Variants in SLC2A9 observed in about 807,000 individuals in gnomAD.
The protein encoded by SLC2A9 is solute carrier family 2 member 9, also known as solute carrier family 2, facilitated glucose transporter member 9.
A neutral mutation model predicts 50.6 loss-of-function variants in SLC2A9; 39 were observed. The ratio of observed to expected loss-of-function variants is 0.77; its 90% CI spans 0.60 to 1.01. The LOEUF (loss-of-function observed/expected upper bound fraction) is 1.01. Ranked by LOEUF, SLC2A9 falls within the 50% of genes least tolerant of loss-of-function variation. SLC2A9 has a pLI of 0.00. For missense variants in SLC2A9, 686 were observed against 677.6 expected (o/e 1.01, Z -0.14); for synonymous variants, 324 against 276.9 (o/e 1.17, Z -1.69).
At chr4:9,996,238 G>A (rs1427994847) in intron 3 of SLC2A9, among the ~76,000 whole-genome samples, 1 of 152,234 alleles carries the variant, frequency 6.6e-6, no homozygotes, top group Non-Finnish European at 1.5e-5. Flanking sequence ...TGATGAGACA[G>A]CCATATAGTG....
At chr4:10,003,737 A>T (rs1282532065) in intron 2 of SLC2A9, among the ~76,000 whole-genome samples, 1 of 152,246 alleles carries the variant, frequency 6.6e-6, no homozygotes, top group East Asian at 1.9e-4. Flanking sequence ...ACCTATGGCA[A>T]AACATGACTG....
chr4:10,039,414 C>T (rs1764208184), intron 1 of SLC2A9, among the ~76,000 whole-genome samples: 1 of 152,198 alleles, frequency 6.6e-6, no homozygotes, highest in Admixed American at 6.5e-5. Context: ...ATGCAAAAGC[C>T]ATTTCCAACA....
intron 6 of SLC2A9, among the ~76,000 whole-genome samples, chr4:9,941,201 A>G (rs1381407856): frequency 6.6e-6 from 1 of 152,178 alleles, no homozygotes; most frequent in Non-Finnish European, 1.5e-5. Context: ...GTCTATCTCT[A>G]GGCAACATAA....
At chr4:10,003,535 AC>A (rs1252513952) in intron 2 of SLC2A9, among the ~76,000 whole-genome samples, 2 of 152,168 alleles carry the variant, frequency 1.3e-5, no homozygotes, top group Admixed American at 6.5e-5. Context: ...CCCTGCAGGA[AC>A]ACTTTTCTCA....
At chr4:9,877,078 T>C (rs149410962) in intron 10 of SLC2A9, among the ~76,000 whole-genome samples, 58 of 152,272 alleles carry the variant, frequency 3.8e-4, no homozygotes, top group African/African-American at 1.3e-3. Flanking sequence ...TAGAAAGCAA[T>C]TTGTCATTCT....
At chr4:9,925,855 A>AG (rs958176734) in intron 6 of SLC2A9, among the ~76,000 whole-genome samples, 1 of 152,150 alleles carries the variant, frequency 6.6e-6, no homozygotes, top group Non-Finnish European at 1.5e-5. Flanking sequence ...TTGCATCAGC[A>AG]GGGGGGCCAG....
intron 11 of SLC2A9, 123 bp from the exon 12 acceptor site, chr4:9,826,723 C>CA: frequency 1.1e-6 from 1 of 882,466 alleles, no homozygotes; most frequent in Non-Finnish European, 1.8e-6. Flanking sequence ...GACAAAACAC[C>CA]ATGTGTGATG....
At chr4:9,838,448 C>T (rs1277880652) in intron 10 of SLC2A9, among the ~76,000 whole-genome samples, 1 of 152,110 alleles carries the variant, frequency 6.6e-6, no homozygotes, top group Admixed American at 6.5e-5. Context: ...TTTATGAATT[C>T]AATGTTATTC....
At chr4:9,850,673 G>A (rs890898153) in intron 10 of SLC2A9, among the ~76,000 whole-genome samples, 6 of 151,984 alleles carry the variant, frequency 3.9e-5, no homozygotes, top group Non-Finnish European at 8.8e-5. Flanking sequence ...TCCCCTCACC[G>A]CAGCCTCCCT....
At chr4:9,940,655 T>C (rs1447835823) in intron 6 of SLC2A9, among the ~76,000 whole-genome samples, 1 of 152,206 alleles carries the variant, frequency 6.6e-6, no homozygotes, top group Non-Finnish European at 1.5e-5. Flanking sequence ...AGTTTCTTCA[T>C]CTGCAAAATG....
chr4:10,021,216 G>A, intron 1 of SLC2A9, 64 bp downstream of exon 1: 1 of 1,557,516 alleles, frequency 6.4e-7, no homozygotes. Context: ...CTGTCACACG[G>A]CTGCCACCCA....
intron 3 of SLC2A9, among the ~76,000 whole-genome samples, chr4:9,802,559 CTTTTTTTTTT>C (rs1238703528): frequency 1.6e-5 from 2 of 127,036 alleles, no homozygotes; most frequent in Admixed American, 8.2e-5. Flanking sequence ...TTGTTCTTTT[CTTTTTTTTTT>C]TTTTTTTTTG....
chr4:9,844,179 A>AAAAACCAAAC (rs1728567607), intron 10 of SLC2A9, among the ~76,000 whole-genome samples: 1 of 148,862 alleles, frequency 6.7e-6, no homozygotes, highest in African/African-American at 2.5e-5. Flanking sequence ...AAAAAAAAAA[A>AAAAACCAAAC]AGTCCTTCTG....
chr4:9,805,066 G>T (rs141865926), intron 3 of SLC2A9, among the ~76,000 whole-genome samples: 3 of 152,160 alleles, frequency 2.0e-5, no homozygotes, highest in African/African-American at 4.8e-5. Context: ...GCCCTCTGCC[G>T]GCCTGCAGAT....
At chr4:9,844,162 AT>A (rs1560181646) in intron 10 of SLC2A9, among the ~76,000 whole-genome samples, 811 of 31,486 alleles carry the variant, frequency 0.026, 96 homozygotes, top group African/African-American at 0.08. Flanking sequence ...AAAAAAAATA[AT>A]AATAAAAAAA....
intron 3 of SLC2A9, chr4:9,781,815 G>C: frequency 2.3e-6 from 1 of 436,782 alleles, no homozygotes; most frequent in East Asian, 3.5e-5. Context: ...GAGACTGGAG[G>C]GGCGCACCAC....
intron 10 of SLC2A9, among the ~76,000 whole-genome samples, chr4:9,839,562 C>T (rs1168136816): frequency 6.6e-6 from 1 of 151,934 alleles, no homozygotes; most frequent in Non-Finnish European, 1.5e-5. Context: ...ATAGGAAAGA[C>T]ATGGAATCAT....
chr4:10,016,526 G>C (rs1312110906), intron 2 of SLC2A9, among the ~76,000 whole-genome samples: 1 of 152,066 alleles, frequency 6.6e-6, no homozygotes, highest in African/African-American at 2.4e-5. Flanking sequence ...CTCATCTTAA[G>C]AACGGTAAAG....
At chr4:9,879,502 C>T (rs1295498499) in intron 10 of SLC2A9, 6 of 985,144 alleles carry the variant, frequency 6.1e-6, no homozygotes, top group Admixed American at 1.2e-4. Context: ...CAGGCAGAGA[C>T]GACCACATAG....
Sources: allele counts gnomAD v4.1 joint callset (sites outside exome capture counted in the v4.1 genomes callset), GRCh38; gene constraint gnomAD v4.1.1; transcripts MANE v1.5; gene names NCBI Gene and HGNC (gene_info 2026-07-23, HGNC 2026-07-21).